The following FCHO2 variants were observed in gnomAD, a reference collection of about 807,000 sequenced individuals.
FCHO2 encodes the protein FCH and mu domain containing endocytic adaptor 2, also known as F-BAR domain only protein 2.
Under a neutral mutation model 114.1 loss-of-function variants are expected in FCHO2, and 43 were observed. That is an observed-to-expected ratio of 0.38 (90% CI 0.30 to 0.49). FCHO2 has a LOEUF of 0.49. Among genes scored for constraint, FCHO2 ranks in the 20% least tolerant of loss-of-function variants. The pLI is 0.97. For synonymous variants in FCHO2, 293 were observed against 315.2 expected (o/e 0.93, Z 0.75); for missense variants, 807 against 950.4 (o/e 0.85, Z 1.98).
At chr5:73,065,275 CATT>C (rs1449803021) in intron 18 of FCHO2, among the ~76,000 whole-genome samples, 1 of 150,948 alleles carries the variant, frequency 6.6e-6, no homozygotes, top group African/African-American at 2.4e-5. Flanking sequence ...ACTTTGAGTA[CATT>C]CTAATAAATT....
intron 8 of FCHO2, among the ~76,000 whole-genome samples, chr5:73,021,699 C>G (rs1755637686): frequency 6.6e-6 from 1 of 152,054 alleles, no homozygotes; most frequent in African/African-American, 2.4e-5. Flanking sequence ...ATAGTTTGTA[C>G]TTGTGAAAAA....
At chr5:73,025,953 G>A (rs144854918) in intron 8 of FCHO2, among the ~76,000 whole-genome samples, 1 of 152,304 alleles carries the variant, frequency 6.6e-6, no homozygotes, top group East Asian at 1.9e-4. Context: ...CTTTAGTTCT[G>A]TGGGATAGAG....
At chr5:72,998,991 C>T (rs937478687) in intron 5 of FCHO2, among the ~76,000 whole-genome samples, 16 of 151,800 alleles carry the variant, frequency 1.1e-4, no homozygotes, top group South Asian at 8.3e-4. Context: ...TCATCAGGCC[C>T]GGCTCATGAT....
chr5:72,976,230 G>T (rs905640530), intron 2 of FCHO2, among the ~76,000 whole-genome samples: 5 of 152,088 alleles, frequency 3.3e-5, no homozygotes, highest in African/African-American at 1.2e-4. Context: ...GACATATGAT[G>T]TGGAGCATCT....
At chr5:73,055,906 A>G (rs1757570319) in intron 15 of FCHO2, among the ~76,000 whole-genome samples, 159 bp from the exon 16 acceptor site, 1 of 152,180 alleles carries the variant, frequency 6.6e-6, no homozygotes, top group Non-Finnish European at 1.5e-5. Context: ...TTTAATGTAC[A>G]CAATAGAAAA....
At chr5:73,017,944 G>C (rs1435187987) in intron 8 of FCHO2, among the ~76,000 whole-genome samples, 4 of 152,100 alleles carry the variant, frequency 2.6e-5, no homozygotes, top group South Asian at 4.1e-4. Context: ...TGTATCAAAT[G>C]TAATAAGTAC....
intron 5 of FCHO2, among the ~76,000 whole-genome samples, chr5:72,995,388 T>G (rs1274408083): frequency 6.6e-6 from 1 of 151,962 alleles, no homozygotes; most frequent in Non-Finnish European, 1.5e-5. Flanking sequence ...CCCGAGTAGT[T>G]GGGATTACAG....
chr5:73,017,622 A>C (rs1489598521), intron 8 of FCHO2, among the ~76,000 whole-genome samples: 1 of 152,162 alleles, frequency 6.6e-6, no homozygotes, highest in Admixed American at 6.5e-5. Flanking sequence ...AATCTGTCAC[A>C]GTTTTAGATT....
At chr5:73,017,378 A>T in intron 8 of FCHO2, 70 bp downstream of exon 8, 2 of 949,154 alleles carry the variant, frequency 2.1e-6, no homozygotes, top group Non-Finnish European at 3.1e-6. Context: ...TTTGCCTTGA[A>T]GATCATGTGG....
At chr5:72,997,835 G>A (rs1013641705) in intron 5 of FCHO2, among the ~76,000 whole-genome samples, 3 of 152,200 alleles carry the variant, frequency 2.0e-5, no homozygotes, top group African/African-American at 7.2e-5. Flanking sequence ...CCCTGAAGCA[G>A]CCTCACTCTA....
rs779973783 is a variant in FCHO2 at position 73,077,380 on chromosome 5, A to G, written c.1734A>G (p.Pro578=). 1 of 1,586,852 alleles carries G rather than the reference A, an allele frequency of 6.3e-7. No homozygotes were observed. The highest frequency in any genetic ancestry group is 1.1e-5 in the South Asian group (1 of 87,178). ...KITGDMTMSF[P]SGIIKVFTSN... is the part of the protein sequence containing the mutation. The stretch of plus-strand genomic sequence containing the variant: ...CTGGTGATATGACAATGTCATTTCC[A>G]AGTGGAATTATTAAAGTCTTCACCA... Residue 578 remains proline (P), a synonymous_variant, in exon 21 of 26, where the codon CCA becomes CCG. Transcript: ENST00000430046.
At chr5:72,967,851 C>T (rs1316767042) in intron 1 of FCHO2, among the ~76,000 whole-genome samples, 1 of 151,686 alleles carries the variant, frequency 6.6e-6, no homozygotes, top group Non-Finnish European at 1.5e-5. Flanking sequence ...AACTCCTGAC[C>T]TCAAGTGATC....
chr5:73,055,080 G>T, intron 15 of FCHO2: 1 of 383,652 alleles, frequency 2.6e-6, no homozygotes, highest in South Asian at 2.0e-5. Flanking sequence ...AGACTTAACA[G>T]AAACTTTAAC....
chr5:73,072,388 G>C (rs1742698303), intron 19 of FCHO2, among the ~76,000 whole-genome samples: 1 of 151,980 alleles, frequency 6.6e-6, no homozygotes, highest in Non-Finnish European at 1.5e-5. Flanking sequence ...ATATGATCCA[G>C]CAATTTTACT....
At chr5:72,990,337 T>G in intron 3 of FCHO2, 141 bp from the exon 4 acceptor site, 2 of 639,068 alleles carry the variant, frequency 3.1e-6, no homozygotes, top group Admixed American at 3.8e-5. Flanking sequence ...CTGTCAATCA[T>G]TTTATTCATT....
intron 5 of FCHO2, among the ~76,000 whole-genome samples, chr5:72,996,327 A>G (rs1047603151): frequency 2.3e-4 from 35 of 152,218 alleles, no homozygotes; most frequent in African/African-American, 8.2e-4. Context: ...TCTTGCAAAG[A>G]AAAGGGGAAA....
chr5:73,018,318 C>T (rs959583427), intron 8 of FCHO2, among the ~76,000 whole-genome samples: 5 of 152,160 alleles, frequency 3.3e-5, no homozygotes, highest in African/African-American at 9.6e-5. Flanking sequence ...TTGCAGATTT[C>T]ATACTGGTAC....
At chr5:73,049,441 G>T (rs1433293366) in intron 11 of FCHO2, among the ~76,000 whole-genome samples, 6 of 151,844 alleles carry the variant, frequency 4.0e-5, no homozygotes, top group Admixed American at 3.9e-4. Context: ...GAACAGGGAG[G>T]GGCCTTTTTG....
chr5:72,982,629 G>A (rs2112647229), intron 2 of FCHO2, among the ~76,000 whole-genome samples: 1 of 152,222 alleles, frequency 6.6e-6, no homozygotes, highest in East Asian at 1.9e-4. Context: ...CATAGCCAAG[G>A]TCTGGTGTAT....
Sources: gnomAD v4.1 joint callset for allele counts (sites outside exome capture counted in the v4.1 genomes callset) on GRCh38, gnomAD v4.1.1 for gene constraint, MANE v1.5 for transcripts, NCBI Gene and HGNC (gene_info 2026-07-23, HGNC 2026-07-21) for gene names.